Variants in PCDHGA5 observed in about 807,000 individuals in gnomAD.
The protein encoded by PCDHGA5 is protocadherin gamma subfamily A, 5, also known as protocadherin gamma-A5.
PCDHGA5 carries 36 observed loss-of-function variants against 56.7 expected under a neutral mutation model. The ratio of observed to expected loss-of-function variants is 0.64; its 90% CI spans 0.49 to 0.84. PCDHGA5 has a LOEUF of 0.84. Among genes scored for constraint, PCDHGA5 ranks in the 40% least tolerant of loss-of-function variants. The probability of loss-of-function intolerance (pLI) is 0.00; values close to 1 mark genes in which losing one functional copy is unlikely to be tolerated. For synonymous variants in PCDHGA5, 563 were observed against 520.2 expected (o/e 1.08, Z -1.12); for missense variants, 1,305 against 1,201.5 (o/e 1.09, Z -1.27).
chr5:141,490,623 T>C lies in PCDHGA5; in HGVS notation c.2422-4184T>C. The C allele has an allele frequency of 3.1e-6, 5 of 1,614,174 alleles. No individual in the cohort carries two copies. The highest frequency in any genetic ancestry group is 4.2e-6 in the Non-Finnish European group (5 of 1,180,020). ...GCTTCAACCAGCAGCTTTACACTGC[T>C]TACATCCTAGAAAACCGGCCTCCGG... On this transcript the variant is annotated intron_variant, in intron 1 of 3. Coordinates refer to ENST00000518069, the MANE Select transcript of PCDHGA5 (RefSeq NM_018918.3). This position sits in a 1 kb window ranked among gnomAD's most constrained non-coding sequence, Gnocchi z 5.4.
At chr5:141,497,541 T>C (rs1157403777) in intron 2 of PCDHGA5, among the ~76,000 whole-genome samples, 9 of 89,564 alleles carry the variant, frequency 1.0e-4, no homozygotes, top group Non-Finnish European at 2.1e-4. Context: ...GCAACAAACC[T>C]TTTTTTTTTT....
intron 1 of PCDHGA5, chr5:141,382,842 A>C: frequency 2.0e-6 from 3 of 1,464,302 alleles, no homozygotes; most frequent in Non-Finnish European, 2.8e-6. Context: ...ACCCGGATAC[A>C]CCCGCATTCT....
At chr5:141,505,827 TCA>T (rs1197972266) in intron 3 of PCDHGA5, among the ~76,000 whole-genome samples, 4 of 152,072 alleles carry the variant, frequency 2.6e-5, no homozygotes, top group South Asian at 4.1e-4. Context: ...TCTCTAAACC[TCA>T]GTTTCCTCAG....
rs764482722 is a variant in PCDHGA5 at position 141,432,066 on chromosome 5, C to T, written c.2422-62741C>T. 62 of 1,614,062 alleles carry T rather than the reference C, an allele frequency of 3.8e-5. No individual in the cohort carries two copies. The highest frequency in any genetic ancestry group is 5.2e-5 in the Non-Finnish European group (61 of 1,180,046). On this transcript the variant is annotated intron_variant, in intron 1 of 3. Coordinates refer to ENST00000518069, the MANE Select transcript of PCDHGA5 (RefSeq NM_018918.3). The surrounding 1 kb of genome is among the most constrained non-coding windows in gnomAD (Gnocchi z 6.0). ...GGAACCCCGCCCCTATCCACGGAAA[C>T]TCATATCTCGCTGAACGTGGCAGAC...
chr5:141,428,167 G>GCGTGA (rs746443726), intron 1 of PCDHGA5: 3 of 1,548,998 alleles, frequency 1.9e-6, no homozygotes, highest in South Asian at 1.1e-5. Context: ...TGGTTGCTGT[G>GCGTGA]CGTGACGGAG....
At chr5:141,413,687 T>C (rs1470256826) in intron 1 of PCDHGA5, 1 of 1,613,784 alleles carries the variant, frequency 6.2e-7, no homozygotes, top group South Asian at 1.1e-5. Flanking sequence ...GTGAACTCCC[T>C]GCAGAGCTAT....
chr5:141,400,121 A>C lies in PCDHGA5; in HGVS notation c.2421+33370A>C. On this transcript the variant is annotated intron_variant, in intron 1 of 3. Coordinates refer to ENST00000518069, the MANE Select transcript of PCDHGA5 (RefSeq NM_018918.3). Reference sequence around the variant, plus strand: ...CACTTGGTCTTTGCTGACAGCTTGCAGGAGGTGCTGCCGGATATCACTGAC... The same window carrying C: ...CACTTGGTCTTTGCTGACAGCTTGCCGGAGGTGCTGCCGGATATCACTGAC... 1.2e-6 allele frequency: 2 copies of C among 1,614,054 alleles called. No individual in the cohort carries two copies. The highest frequency in any genetic ancestry group is 1.7e-6 in the Non-Finnish European group (2 of 1,179,890).
At chr5:141,500,991 C>T (rs2099804636) in intron 2 of PCDHGA5, among the ~76,000 whole-genome samples, 1 of 152,024 alleles carries the variant, frequency 6.6e-6, no homozygotes, top group South Asian at 2.1e-4. Flanking sequence ...GCCTCAGCCT[C>T]CTGAGTAGCT....
At position 141,420,872 on chromosome 5, in the gene PCDHGA5, G is replaced by A. The variant is rs575322685; in HGVS notation, c.2421+54121G>A. 3.3e-5 allele frequency among the ~76,000 whole-genome samples: 5 copies of A among 152,328 alleles called. No homozygotes were observed. The East Asian group carries it at 7.7e-4, about 24-fold the overall frequency. On this transcript the variant is annotated intron_variant, in intron 1 of 3. Coordinates refer to ENST00000518069, the MANE Select transcript of PCDHGA5 (RefSeq NM_018918.3). ...AAAGTTTTAACGTCACATAATGTAA[G>A]TATTGTGTATCATCGTTTTTAAGCT...
At chr5:141,421,044 C>T (rs556562994) in intron 1 of PCDHGA5, 3 of 548,494 alleles carry the variant, frequency 5.5e-6, no homozygotes, top group African/African-American at 1.9e-5. Context: ...CTCCCTCCCC[C>T]GCCTCTACCA....
At chr5:141,424,016 T>G in intron 1 of PCDHGA5, 16 of 1,038,360 alleles carry the variant, frequency 1.5e-5, no homozygotes, top group Non-Finnish European at 1.3e-5. Context: ...AAATTAATGA[T>G]TCACAAACAC....
chr5:141,376,463 A>C (rs1772718380), intron 1 of PCDHGA5: 1 of 1,614,212 alleles, frequency 6.2e-7, no homozygotes, highest in South Asian at 1.1e-5. Context: ...TCTTCTGATA[A>C]CTCAGGATTT....
rs774113255 is a variant in PCDHGA5 at position 141,405,285 on chromosome 5, C to T, written c.2421+38534C>T. 3.7e-6 allele frequency: 6 copies of T among 1,614,080 alleles called. No individual in the cohort carries two copies. The Admixed American group carries it at 1.0e-4, about 27-fold the overall frequency. On this transcript the variant is annotated intron_variant, in intron 1 of 3. Coordinates refer to ENST00000518069, the MANE Select transcript of PCDHGA5 (RefSeq NM_018918.3). ...TTCCCCCAGCCCAACTATGCAGACACACTCATCAGCCAGCAGAGCTGTGAG... is the reference window on the plus strand; with the variant it reads ...TTCCCCCAGCCCAACTATGCAGACATACTCATCAGCCAGCAGAGCTGTGAG...
Position 141,477,176 on chromosome 5 carries a change from G to A in PCDHGA5, c.2422-17631G>A. ...GAATGACAACGCCCCGGAGATCACA[G>A]TCACCTCCGTGTACAGCCCAGTACC... On this transcript the variant is annotated intron_variant, in intron 1 of 3. Transcript: ENST00000518069. The surrounding 1 kb of genome is among the most constrained non-coding windows in gnomAD (Gnocchi z 4.9). 2 of 1,614,206 alleles carry A rather than the reference G, an allele frequency of 1.2e-6. No individual in the cohort carries two copies. Among genetic ancestry groups the A allele is most frequent in the Admixed American group, 1.7e-5 (1 of 60,024 alleles).
At chr5:141,404,614 C>T in intron 1 of PCDHGA5, 5 of 1,614,078 alleles carry the variant, frequency 3.1e-6, no homozygotes, top group Non-Finnish European at 4.2e-6. Context: ...TTGTTTTGGA[C>T]CAGAATGACA....
At chr5:141,382,824 A>T in intron 1 of PCDHGA5, 4 of 1,326,118 alleles carry the variant, frequency 3.0e-6, no homozygotes, top group Non-Finnish European at 4.1e-6. Context: ...CCTAAGACAG[A>T]GGGGTCCACC....
Position 141,421,822 on chromosome 5 carries a change from G to A in PCDHGA5, c.2421+55071G>A, listed in dbSNP as rs2096603648. On this transcript the variant is annotated intron_variant, in intron 1 of 3. Transcript: ENST00000518069. ...CAAGAATCCAGAGCTAGTACTGGAG[G>A]GAAGCCTGGACCGAGAGAAAGAGGC... 3.7e-6 allele frequency: 6 copies of A among 1,613,690 alleles called. No homozygotes were observed. The East Asian group carries it at 1.1e-4, about 30-fold the overall frequency.
intron 1 of PCDHGA5, chr5:141,423,091 G>GCGTAC (rs2096708211): frequency 2.5e-6 from 4 of 1,613,908 alleles, no homozygotes; most frequent in African/African-American, 2.7e-5. Context: ...CGCGGTGGGG[G>GCGTAC]AGCACACGGG....
chr5:141,425,836 C>T (rs568578402), intron 1 of PCDHGA5, among the ~76,000 whole-genome samples: 1 of 152,344 alleles, frequency 6.6e-6, no homozygotes, highest in East Asian at 1.9e-4. Context: ...TTTAAATTCT[C>T]TTTGCTGGGT....
Sources: gnomAD v4.1 joint callset for allele counts (sites outside exome capture counted in the v4.1 genomes callset) on GRCh38, gnomAD v4.1.1 for gene constraint, Gnocchi (gnomAD v3.1) non-coding constraint, MANE v1.5 for transcripts, NCBI Gene and HGNC (gene_info 2026-07-23, HGNC 2026-07-21) for gene names.